Variants in LEKR1 observed in about 807,000 individuals in gnomAD.
The protein encoded by LEKR1 is protein LEKR1.
Under a neutral mutation model 72.4 loss-of-function variants are expected in LEKR1, and 59 were observed. That is an observed-to-expected ratio of 0.82 (90% CI 0.66 to 1.01). The LOEUF is 1.01. Among genes scored for constraint, LEKR1 ranks in the 50% least tolerant of loss-of-function variants. The pLI is 0.00. For synonymous variants in LEKR1, 257 were observed against 263.2 expected (o/e 0.98, Z 0.23); for missense variants, 728 against 759.2 (o/e 0.96, Z 0.48).
chr3:156,997,030 A>T (rs897828434), intron 9 of LEKR1, among the ~76,000 whole-genome samples: 4 of 151,034 alleles, frequency 2.6e-5, no homozygotes, highest in Non-Finnish European at 5.9e-5. Flanking sequence ...GCACCATTGC[A>T]CTCCAGCCTG....
intron 3 of LEKR1, among the ~76,000 whole-genome samples, chr3:156,873,670 T>G (rs559299708): frequency 6.6e-6 from 1 of 152,220 alleles, no homozygotes; most frequent in East Asian, 1.9e-4. Context: ...GCATTTCTTG[T>G]AGAACCAATC....
At chr3:156,832,392 A>G (rs1338043180) in intron 2 of LEKR1, among the ~76,000 whole-genome samples, 1 of 152,224 alleles carries the variant, frequency 6.6e-6, no homozygotes, top group Non-Finnish European at 1.5e-5. Context: ...TTTTTTCTGA[A>G]ACAATTTTTC....
intron 3 of LEKR1, among the ~76,000 whole-genome samples, chr3:156,898,843 A>C (rs565920411): frequency 3.9e-5 from 6 of 152,356 alleles, no homozygotes; most frequent in East Asian, 3.9e-4. Context: ...AACAAACAAA[A>C]AAATGGGATG....
At chr3:156,992,271 T>G (rs1002233740) in intron 7 of LEKR1, among the ~76,000 whole-genome samples, 2 of 152,230 alleles carry the variant, frequency 1.3e-5, no homozygotes, top group Admixed American at 6.5e-5. Context: ...GGGTGCTGAC[T>G]GGGGGCTGCC....
intron 10 of LEKR1, among the ~76,000 whole-genome samples, chr3:157,016,601 G>A (rs180955084): frequency 6.1e-4 from 76 of 123,760 alleles, no homozygotes; most frequent in African/African-American, 2.0e-3. Flanking sequence ...TTAGTCAGAA[G>A]GAAAGCTATA....
intron 7 of LEKR1, chr3:156,979,702 C>G: frequency 6.5e-6 from 1 of 152,774 alleles, no homozygotes; most frequent in East Asian, 1.9e-4. Context: ...AGTTGAGTAG[C>G]TTTGAAATGC....
intron 5 of LEKR1, 37 bp downstream of exon 5, chr3:156,927,641 T>C: frequency 1.1e-6 from 1 of 883,738 alleles, no homozygotes; most frequent in Non-Finnish European, 1.5e-6. Context: ...TTGTCCCTTT[T>C]TGGTAAATGG....
At chr3:156,893,316 CG>C (rs1030720924) in intron 3 of LEKR1, among the ~76,000 whole-genome samples, 8 of 152,070 alleles carry the variant, frequency 5.3e-5, no homozygotes, top group Admixed American at 4.6e-4. Flanking sequence ...TGTGATGTGA[CG>C]GAACACTGTT....
chr3:156,868,426 G>A (rs954246559), intron 3 of LEKR1, among the ~76,000 whole-genome samples: 2 of 151,984 alleles, frequency 1.3e-5, no homozygotes, highest in Admixed American at 1.3e-4. Context: ...CAGAAGATGA[G>A]GAATGTATCT....
At chr3:156,828,475 C>A (rs1711940177) in intron 1 of LEKR1, among the ~76,000 whole-genome samples, 1 of 30,460 alleles carries the variant, frequency 3.3e-5, no homozygotes, top group African/African-American at 9.0e-5. Context: ...TCTATGCCTT[C>A]TTCCCTGCTA....
chr3:156,890,744 A>T (rs968931039), intron 3 of LEKR1, among the ~76,000 whole-genome samples: 1 of 152,156 alleles, frequency 6.6e-6, no homozygotes, highest in Non-Finnish European at 1.5e-5. Flanking sequence ...AATTGAGATC[A>T]GTGTGATCAG....
intron 12 of LEKR1, among the ~76,000 whole-genome samples, chr3:157,041,106 G>T (rs1283036605): frequency 6.6e-6 from 1 of 152,048 alleles, no homozygotes; most frequent in African/African-American, 2.4e-5. Context: ...TTCCTTCTCA[G>T]GGGGAGGGCA....
At chr3:156,929,287 T>C (rs936170551) in intron 5 of LEKR1, among the ~76,000 whole-genome samples, 9 of 152,012 alleles carry the variant, frequency 5.9e-5, no homozygotes, top group African/African-American at 2.2e-4. Context: ...TCCATTTTGG[T>C]AGGTTACAAA....
At chr3:157,006,948 T>TA (rs1732488386) in intron 9 of LEKR1, among the ~76,000 whole-genome samples, 1 of 152,160 alleles carries the variant, frequency 6.6e-6, no homozygotes, top group Admixed American at 6.5e-5. Context: ...ACGCCTGTAA[T>TA]CCCAGCACTT....
chr3:156,843,754 G>A (rs767752312), intron 2 of LEKR1, among the ~76,000 whole-genome samples: 30 of 152,044 alleles, frequency 2.0e-4, no homozygotes, highest in Non-Finnish European at 3.1e-4. Flanking sequence ...TTTTTGTTGA[G>A]TTGAAGTGGA....
intron 2 of LEKR1, among the ~76,000 whole-genome samples, chr3:156,844,706 C>T (rs1371175456): frequency 6.6e-6 from 1 of 152,034 alleles, no homozygotes; most frequent in African/African-American, 2.4e-5. Context: ...CTTTTTATTG[C>T]TGAGTAGTAT....
chr3:156,881,924 G>T (rs1488146675), intron 3 of LEKR1, among the ~76,000 whole-genome samples: 1 of 149,064 alleles, frequency 6.7e-6, no homozygotes, highest in Non-Finnish European at 1.5e-5. Context: ...TTAATAAATG[G>T]TGCTGAGAAA....
intron 10 of LEKR1, among the ~76,000 whole-genome samples, chr3:157,023,529 G>C (rs891083581): frequency 1.3e-5 from 2 of 152,106 alleles, no homozygotes; most frequent in Admixed American, 1.3e-4. Context: ...GAGACTGAAG[G>C]GTCAGAGTGT....
At chr3:156,993,005 A>T in intron 8 of LEKR1, 69 bp from the exon 9 acceptor site, 2 of 785,780 alleles carry the variant, frequency 2.5e-6, no homozygotes, top group Non-Finnish European at 4.0e-6. Flanking sequence ...AGCTCTTGAT[A>T]CATCTTTGGT....
Sources: allele counts gnomAD v4.1 joint callset (sites outside exome capture counted in the v4.1 genomes callset), GRCh38; gene constraint gnomAD v4.1.1; transcripts MANE v1.5; gene names NCBI Gene and HGNC (gene_info 2026-07-23, HGNC 2026-07-21).